Variants in UBE2V2 observed in about 807,000 individuals in gnomAD.
UBE2V2 encodes the protein ubiquitin conjugating enzyme E2 V2, also known as ubiquitin-conjugating enzyme E2 variant 2.
A neutral mutation model predicts 17.2 loss-of-function variants in UBE2V2; 9 were observed. The observed-to-expected ratio is 0.52, with a 90% CI of 0.32 to 0.91. UBE2V2 has a LOEUF of 0.91. UBE2V2 is among the 40% of genes least tolerant of loss of function. The pLI is 0.04. For missense variants in UBE2V2, 133 were observed against 182.6 expected (o/e 0.73, Z 1.56); for synonymous variants, 61 against 57.5 (o/e 1.06, Z -0.28).
intron 1 of UBE2V2, among the ~76,000 whole-genome samples, chr8:48,035,833 G>A (rs1256980427): frequency 2.0e-5 from 3 of 150,822 alleles, no homozygotes; most frequent in Admixed American, 6.6e-5. Context: ...GGAGGTTGCA[G>A]TGAGCTGAGA....
At chr8:48,056,111 C>T (rs1284832218) in intron 3 of UBE2V2, among the ~76,000 whole-genome samples, 2 of 152,176 alleles carry the variant, frequency 1.3e-5, no homozygotes, top group Non-Finnish European at 2.9e-5. Flanking sequence ...TAAATAGAAT[C>T]ATAGAGTATG....
Position 48,060,624 on chromosome 8 carries a change from AT to A in UBE2V2, c.292-56del, listed in dbSNP as rs560791437. 6.7e-4 allele frequency: 896 copies of A among 1,336,070 alleles called. 3 individuals are homozygous for A. The African/African-American group carries it at 0.011, about 16-fold the overall frequency. 82.8% of individuals were successfully genotyped at this position (1,336,070 alleles called of 1,614,324 possible). On this transcript the variant is annotated intron_variant, in intron 3 of 3. Transcript: ENST00000523111. The stretch of plus-strand genomic sequence containing the variant: ...ATTCTTATTAAAATATGCTTAACAA[AT>A]TGGTGCCATAGTACTTTAAACTTGC...
chr8:48,029,290 C>T (rs995910252), intron 1 of UBE2V2, among the ~76,000 whole-genome samples: 1 of 152,166 alleles, frequency 6.6e-6, no homozygotes, highest in East Asian at 1.9e-4. Context: ...GATTGTACCA[C>T]TGCCCACCAG....
At chr8:48,004,763 T>C (rs1285424270), upstream of UBE2V2, among the ~76,000 whole-genome samples, 1 of 152,076 alleles carries the variant, frequency 6.6e-6, no homozygotes, top group African/African-American at 2.4e-5. Flanking sequence ...ATTCCCGACC[T>C]TGTGATCCAC....
chr8:48,055,997 A>T (rs2091569218), intron 3 of UBE2V2, among the ~76,000 whole-genome samples: 1 of 152,128 alleles, frequency 6.6e-6, no homozygotes, highest in Admixed American at 6.6e-5. Flanking sequence ...TGACCTTGTG[A>T]TCTGCCCTCC....
chr8:48,007,473 AACAG>A (rs1431682543), upstream of UBE2V2, among the ~76,000 whole-genome samples: 1 of 132,620 alleles, frequency 7.5e-6, no homozygotes, highest in African/African-American at 2.7e-5. Context: ...ATAACAGACA[AACAG>A]AGAGCCAAAT....
chr8:48,041,228 G>T (rs1589861128), intron 1 of UBE2V2, among the ~76,000 whole-genome samples: 2 of 149,822 alleles, frequency 1.3e-5, no homozygotes, highest in Middle Eastern at 6.9e-3. Context: ...CTGGAGTGCA[G>T]TGGTGCGATC....
At chr8:48,059,164 A>T (rs1469322452) in intron 3 of UBE2V2, among the ~76,000 whole-genome samples, 1 of 151,894 alleles carries the variant, frequency 6.6e-6, no homozygotes, top group African/African-American at 2.4e-5. Context: ...CGAACTCCTG[A>T]ACTCAGGCAA....
At chr8:48,047,507 C>CT (rs909613371) in intron 2 of UBE2V2, among the ~76,000 whole-genome samples, 5 of 151,414 alleles carry the variant, frequency 3.3e-5, no homozygotes, top group Non-Finnish European at 4.4e-5. Context: ...TTTTTCTCCT[C>CT]TTTTTTTTGC....
At chr8:48,021,683 C>T (rs997761950) in intron 1 of UBE2V2, among the ~76,000 whole-genome samples, 23 of 151,512 alleles carry the variant, frequency 1.5e-4, no homozygotes, top group Admixed American at 2.6e-4. Flanking sequence ...TGAGCCAATG[C>T]GCCTGGCTCT....
intron 3 of UBE2V2, among the ~76,000 whole-genome samples, chr8:48,053,446 T>C (rs1398000368): frequency 2.0e-5 from 3 of 146,984 alleles, no homozygotes; most frequent in South Asian, 2.2e-4. Context: ...TTTTTTGAGA[T>C]GGAGTCTCAC....
chr8:47,997,702 C>T, the UBE2V2 span, among the ~76,000 whole-genome samples: 2 of 151,976 alleles, frequency 1.3e-5, no homozygotes, highest in Admixed American at 6.6e-5. Flanking sequence ...TGCCACTTCC[C>T]GGAGAGGAAG....
upstream of UBE2V2, chr8:48,008,286 G>A (rs2091198755): frequency 4.0e-6 from 3 of 753,214 alleles, no homozygotes; most frequent in Admixed American, 4.4e-5. Flanking sequence ...TGCGGAAACA[G>A]CAGCGAGGCC....
chr8:48,033,880 C>G (rs934752883), intron 1 of UBE2V2, among the ~76,000 whole-genome samples: 3 of 152,040 alleles, frequency 2.0e-5, no homozygotes, highest in Non-Finnish European at 2.9e-5. Flanking sequence ...TCGCTTGAGC[C>G]TAGGTGGATG....
chr8:48,047,257 ATGT>A (rs2091506141), intron 2 of UBE2V2, among the ~76,000 whole-genome samples: 1 of 151,724 alleles, frequency 6.6e-6, no homozygotes, highest in Non-Finnish European at 1.5e-5. Context: ...CTCATTTTTT[ATGT>A]TGTTCTAGTA....
chr8:48,010,487 C>T (rs371769556), intron 1 of UBE2V2, among the ~76,000 whole-genome samples: 5 of 151,258 alleles, frequency 3.3e-5, no homozygotes, highest in Admixed American at 6.6e-5. Flanking sequence ...CTGCAACCTC[C>T]GCCTCCCGGG....
chr8:48,014,644 CAAAAA>C (rs1179934700), intron 1 of UBE2V2, among the ~76,000 whole-genome samples: 2 of 72,066 alleles, frequency 2.8e-5, no homozygotes, highest in Non-Finnish European at 5.4e-5. Flanking sequence ...GACTCTGCCT[CAAAAA>C]AAAAAAAAAA....
chr8:48,040,867 G>A (rs13269969), intron 1 of UBE2V2, among the ~76,000 whole-genome samples: 1 of 8,276 alleles, frequency 1.2e-4, no homozygotes, highest in Non-Finnish European at 3.3e-4. Context: ...TTTTTTTTTT[G>A]TGTGTGTGTG....
intron 1 of UBE2V2, among the ~76,000 whole-genome samples, chr8:48,015,115 C>CGGAA (rs1284339146): frequency 6.6e-6 from 1 of 151,042 alleles, no homozygotes; most frequent in African/African-American, 2.4e-5. Flanking sequence ...CAGTGGCTTC[C>CGGAA]ACCTGTAGTC....
Sources: allele counts gnomAD v4.1 joint callset (sites outside exome capture counted in the v4.1 genomes callset), GRCh38; gene constraint gnomAD v4.1.1; transcripts MANE v1.5; gene names NCBI Gene and HGNC (gene_info 2026-07-23, HGNC 2026-07-21).